The following TRPM8 variants were observed in gnomAD, a reference collection of about 807,000 sequenced individuals.
TRPM8 encodes TRPM8 cationic channel.
In TRPM8, 110 loss-of-function variants were observed where a neutral mutation model predicts 133.7. The ratio of observed to expected loss-of-function variants is 0.82; its 90% CI spans 0.70 to 0.96. The LOEUF is 0.96. TRPM8 is among the 40% of genes least tolerant of loss of function. The probability of loss-of-function intolerance (pLI) is 0.00; values close to 1 mark genes in which losing one functional copy is unlikely to be tolerated. For missense variants in TRPM8, 1,291 were observed against 1,379.5 expected (o/e 0.94, Z 1.02); for synonymous variants, 535 against 532.3 (o/e 1.01, Z -0.07).
chr2:233,966,831 C>G, intron 15 of TRPM8, 76 bp downstream of exon 15: 2 of 1,426,554 alleles, frequency 1.4e-6, no homozygotes, highest in Non-Finnish European at 1.9e-6. Flanking sequence ...CAGCATTAAA[C>G]AATAGTAAAA....
intron 15 of TRPM8, 91 bp downstream of exon 15, chr2:233,966,846 A>T (rs1439327577): frequency 7.2e-6 from 10 of 1,393,816 alleles, no homozygotes; most frequent in Non-Finnish European, 9.5e-6. Flanking sequence ...GTAAAAACAA[A>T]CCTTATTCTC....
chr2:233,963,904 C>T (rs1437473736), intron 13 of TRPM8, among the ~76,000 whole-genome samples: 1 of 152,210 alleles, frequency 6.6e-6, no homozygotes, highest in Middle Eastern at 3.2e-3. Flanking sequence ...CCAGGCCCCA[C>T]TCAACCTTTG....
At chr2:233,997,602 A>G (rs1219150720) in intron 22 of TRPM8, among the ~76,000 whole-genome samples, 2 of 152,112 alleles carry the variant, frequency 1.3e-5, no homozygotes, top group African/African-American at 4.8e-5. Context: ...GGGGTCCTTC[A>G]GAGAGTCCCT....
chr2:233,956,859 G>A lies in TRPM8; in HGVS notation c.1362+1609G>A, dbSNP rs967764115. ...GGAGGGAAAGTGGAACTATAAGTAG[G>A]TCCAGTCAATTGATTCATAAATGAA... On this transcript the variant is annotated intron_variant, in intron 11 of 25. Coordinates refer to ENST00000324695, the MANE Select transcript of TRPM8 (RefSeq NM_024080.5). Among the ~76,000 whole-genome samples the A allele has an allele frequency of 1.1e-4, 16 of 152,258 alleles. No individual in the cohort carries two copies. In the South Asian group the frequency reaches 2.3e-3, roughly 22 times the overall value.
intron 24 of TRPM8, among the ~76,000 whole-genome samples, chr2:234,010,067 G>A (rs1345630657): frequency 2.0e-5 from 3 of 152,148 alleles, no homozygotes; most frequent in Admixed American, 6.5e-5. Context: ...ATGCTGTACA[G>A]TTGATCTCTA....
chr2:233,987,972 CTT>C (rs58639039), intron 21 of TRPM8, among the ~76,000 whole-genome samples: 5 of 140,928 alleles, frequency 3.5e-5, no homozygotes, highest in African/African-American at 1.0e-4. Context: ...CATTAAACCT[CTT>C]TTTTTTTTTT....
At chr2:233,948,760 C>T (rs1691103982) in intron 8 of TRPM8, among the ~76,000 whole-genome samples, 1 of 152,174 alleles carries the variant, frequency 6.6e-6, no homozygotes, top group Non-Finnish European at 1.5e-5. Context: ...GGGCCGGGCA[C>T]AGTGGCTCAC....
intron 9 of TRPM8, among the ~76,000 whole-genome samples, chr2:233,952,895 C>T (rs1380587874): frequency 6.6e-6 from 1 of 151,968 alleles, no homozygotes; most frequent in Non-Finnish European, 1.5e-5. Flanking sequence ...TCACTTGTGC[C>T]GTAGAATTTT....
At chr2:233,931,538 A>G (rs1473463669) in intron 3 of TRPM8, among the ~76,000 whole-genome samples, 2 of 152,194 alleles carry the variant, frequency 1.3e-5, no homozygotes, top group Non-Finnish European at 2.9e-5. Context: ...TTTGGTTTCA[A>G]CCTTGACTTG....
chr2:233,995,303 G>A (rs1008876659), intron 21 of TRPM8, among the ~76,000 whole-genome samples: 1 of 152,156 alleles, frequency 6.6e-6, no homozygotes, highest in African/African-American at 2.4e-5. Context: ...AACAGTGTCT[G>A]GTTTATAATA....
intron 11 of TRPM8, among the ~76,000 whole-genome samples, chr2:233,957,011 C>T (rs1429220275): frequency 6.6e-6 from 1 of 152,092 alleles, no homozygotes; most frequent in Non-Finnish European, 1.5e-5. Flanking sequence ...GGCACAATGG[C>T]TAAGGAAATG....
rs1024120324 is a variant in TRPM8, at chr2:233,989,545, A to G, written c.2939+3680A>G. On this transcript the variant is annotated intron_variant, in intron 21 of 25. Coordinates refer to ENST00000324695, the MANE Select transcript of TRPM8 (RefSeq NM_024080.5). The surrounding 1 kb of genome is among the most constrained non-coding windows in gnomAD (Gnocchi z 4.2). Reference sequence around the variant, plus strand: ...TATCCTTAGGTTAAATCCTTGGAACACTGTTTCTGATCATTTTTAAAGTTG... The same window carrying G: ...TATCCTTAGGTTAAATCCTTGGAACGCTGTTTCTGATCATTTTTAAAGTTG... Among the ~76,000 whole-genome samples, 3 of 152,190 alleles carry G rather than the reference A, an allele frequency of 2.0e-5. No homozygotes were observed. The highest frequency in any genetic ancestry group is 7.2e-5 in the African/African-American group (3 of 41,444).
intron 17 of TRPM8, among the ~76,000 whole-genome samples, chr2:233,971,383 G>A (rs368377190): frequency 3.9e-5 from 6 of 152,242 alleles, no homozygotes; most frequent in East Asian, 1.9e-4. Flanking sequence ...AGATTCCAAG[G>A]GTCTGTCTGT....
Position 233,950,061 on chromosome 2 carries a change from C to T in TRPM8, c.1055C>T (p.Ser352Phe). 6.2e-7 allele frequency: 1 copy of T among 1,614,112 alleles called. No individual in the cohort carries two copies. The highest frequency in any genetic ancestry group is 8.5e-7 in the Non-Finnish European group (1 of 1,180,040). ...GAGGTGGAGGATGCCCTGACATCTT[C>T]TGCCGTCAAGGAGAAGCTGGTGCGC... Reference protein sequence around the residue: ...LVEVEDALTSSAVKEKLVRFL... With the variant: ...LVEVEDALTSFAVKEKLVRFL... The change falls in exon 9 of 26, where the codon TCT becomes TTT. Residue 352 changes from serine (S) to phenylalanine (F), a missense_variant. Physicochemically the swap from Ser to Phe is radical, Grantham distance 155. Around this residue, in one of 2 missense-constraint regions of TRPM8, gnomAD observed 963 missense variants for 968.9 expected, o/e 0.99. Transcript: ENST00000324695.
chr2:233,924,077 C>A (rs186980994), intron 1 of TRPM8, among the ~76,000 whole-genome samples: 2 of 152,278 alleles, frequency 1.3e-5, no homozygotes, highest in African/African-American at 4.8e-5. Flanking sequence ...GAAGACATCC[C>A]CATGGATGAT....
intron 19 of TRPM8, among the ~76,000 whole-genome samples, 183 bp downstream of exon 19, chr2:233,982,098 G>T (rs968005271): frequency 1.3e-5 from 2 of 152,216 alleles, no homozygotes; most frequent in Admixed American, 6.5e-5. Context: ...AGATGGTTGT[G>T]AGGGCAAACA....
chr2:233,954,985 A>T, intron 10 of TRPM8, 147 bp from the exon 11 acceptor site: 1 of 611,262 alleles, frequency 1.6e-6, no homozygotes, highest in South Asian at 2.0e-5. Context: ...GTGAAGATAG[A>T]GTGAATGACA....
At chr2:233,997,453 C>A (rs1692438286) in intron 22 of TRPM8, among the ~76,000 whole-genome samples, 1 of 152,100 alleles carries the variant, frequency 6.6e-6, no homozygotes, top group South Asian at 2.1e-4. Context: ...TGGGGACTGA[C>A]CCTCCACAGC....
intron 1 of TRPM8, among the ~76,000 whole-genome samples, chr2:233,920,256 T>G (rs1364960791): frequency 2.6e-5 from 4 of 152,204 alleles, no homozygotes; most frequent in Non-Finnish European, 5.9e-5. Flanking sequence ...TTGAAAAAAA[T>G]GTGAACGGTA....
Sources: gnomAD v4.1 joint callset for allele counts (sites outside exome capture counted in the v4.1 genomes callset) on GRCh38, gnomAD v4.1.1 for gene constraint, gnomAD v4.1.1 regional missense constraint, Gnocchi (gnomAD v3.1) non-coding constraint, MANE v1.5 for transcripts, NCBI Gene and HGNC (gene_info 2026-07-23, HGNC 2026-07-21) for gene names.